The following CHST11 variants were observed in gnomAD, a reference collection of about 807,000 sequenced individuals.
The protein encoded by CHST11 is C4S-1.
Under a neutral mutation model 30.4 loss-of-function variants are expected in CHST11, and 9 were observed. The observed-to-expected ratio is 0.30, with a 90% CI of 0.18 to 0.52. The LOEUF is 0.52. Ranked by LOEUF, CHST11 falls within the 20% of genes least tolerant of loss-of-function variation. The pLI is 0.97. For missense variants in CHST11, 348 were observed against 460.6 expected, an observed-to-expected ratio of 0.76 and a Z score of 2.24; for synonymous variants, 152 against 187.8, an observed-to-expected ratio of 0.81 and a Z score of 1.56.
intron 1 of CHST11, among the ~76,000 whole-genome samples, chr12:104,544,105 C>T (rs1592754542): frequency 8.6e-6 from 1 of 116,634 alleles, no homozygotes; most frequent in African/African-American, 3.6e-5. Context: ...GCCTGGGCAA[C>T]AGAGAGAGAC....
chr12:104,707,974 A>G (rs1342145494), intron 2 of CHST11, among the ~76,000 whole-genome samples: 1 of 152,042 alleles, frequency 6.6e-6, no homozygotes, highest in Non-Finnish European at 1.5e-5. Flanking sequence ...GCTCACAAGC[A>G]TGCATGTGCA....
chr12:104,574,130 T>G (rs1355386842), intron 1 of CHST11, among the ~76,000 whole-genome samples: 9 of 152,164 alleles, frequency 5.9e-5, no homozygotes, highest in Admixed American at 1.3e-4. Flanking sequence ...TCACTGGCCA[T>G]CAGAGAAATG....
In CHST11 at chr12:104,676,625, G is replaced by C. The variant is rs1485873050; in HGVS notation, c.204+74634G>C. On this transcript the variant is annotated intron_variant, in intron 2 of 2. Transcript: ENST00000303694. This position sits in a 1 kb window ranked among gnomAD's most constrained non-coding sequence, Gnocchi z 4.4. ...AGATGGGGTTTCCCCATGTTGGCCAGGATGGTCTCGATCTCCTGACCTTGT... is the reference window on the plus strand; with the variant it reads ...AGATGGGGTTTCCCCATGTTGGCCACGATGGTCTCGATCTCCTGACCTTGT... Among the ~76,000 whole-genome samples, 4 of 152,324 alleles carry C rather than the reference G, an allele frequency of 2.6e-5. No homozygotes were observed. The East Asian group carries it at 5.8e-4, about 22-fold the overall frequency.
intron 2 of CHST11, among the ~76,000 whole-genome samples, chr12:104,727,167 G>C (rs1415010900): frequency 2.0e-5 from 3 of 151,444 alleles, no homozygotes. Context: ...TTCTAGAAGG[G>C]AATGGTTCTA....
rs181241847 is a variant in CHST11 at position 104,623,247 on chromosome 12, G to C, written c.204+21256G>C. Among the ~76,000 whole-genome samples, 31 of 152,304 alleles carry C rather than the reference G, an allele frequency of 2.0e-4. 1 individual carries two copies. The highest frequency in any genetic ancestry group is 5.9e-4 in the Admixed American group (9 of 15,298). ...GGGTGTTCTTGAGCAAGTCAGGAAG[G>C]CTCCCCAGAGTCAGGCCCTTAGCCT... On this transcript the variant is annotated intron_variant, in intron 2 of 2. Transcript: ENST00000303694.
At chr12:104,679,775 C>T (rs903798970) in intron 2 of CHST11, among the ~76,000 whole-genome samples, 1 of 152,108 alleles carries the variant, frequency 6.6e-6, no homozygotes, top group African/African-American at 2.4e-5. Context: ...GCAATGGAGC[C>T]CCGCCCCATG....
chr12:104,601,882 T>G, intron 1 of CHST11, 24 bp from the exon 2 acceptor site: 4 of 1,586,106 alleles, frequency 2.5e-6, no homozygotes, highest in Non-Finnish European at 3.5e-6. Context: ...TCATTTCTGA[T>G]GAGCCTTCAC....
At chr12:104,467,667 A>G (rs1219260296) in intron 1 of CHST11, among the ~76,000 whole-genome samples, 1 of 152,220 alleles carries the variant, frequency 6.6e-6, no homozygotes, top group Non-Finnish European at 1.5e-5. Context: ...TTGAATCGTT[A>G]TCTTAAATGC....
At chr12:104,536,701 A>C (rs1045343766) in intron 1 of CHST11, among the ~76,000 whole-genome samples, 1 of 152,194 alleles carries the variant, frequency 6.6e-6, no homozygotes. Context: ...GGCTTTTAAG[A>C]GAATGTTTAT....
intron 1 of CHST11, chr12:104,553,526 A>T (rs906004253): frequency 6.6e-6 from 1 of 150,812 alleles, no homozygotes. Flanking sequence ...CAATCATGGC[A>T]GAAGGCGAAG....
At chr12:104,723,065 C>A (rs1005444538) in intron 2 of CHST11, among the ~76,000 whole-genome samples, 2 of 152,000 alleles carry the variant, frequency 1.3e-5, no homozygotes, top group African/African-American at 2.4e-5. Flanking sequence ...CTGGCTGAGT[C>A]CTGCCTCAGG....
At chr12:104,744,885 A>G (rs539662919) in intron 2 of CHST11, among the ~76,000 whole-genome samples, 2 of 125,566 alleles carry the variant, frequency 1.6e-5, no homozygotes, top group Non-Finnish European at 3.4e-5. Context: ...TTATTTATTT[A>G]TTTTTTGAGA....
intron 1 of CHST11, among the ~76,000 whole-genome samples, chr12:104,550,166 C>T (rs1026821077): frequency 1.3e-5 from 2 of 152,206 alleles, no homozygotes; most frequent in Non-Finnish European, 2.9e-5. Flanking sequence ...TCTTTTTAGG[C>T]TTTCCAGTCT....
chr12:104,558,806 T>C (rs2038485125), intron 1 of CHST11, among the ~76,000 whole-genome samples: 2 of 152,122 alleles, frequency 1.3e-5, no homozygotes, highest in African/African-American at 4.8e-5. Flanking sequence ...CCCAAGGTGC[T>C]GGGATTACAG....
chr12:104,664,802 G>A (rs965632382), intron 2 of CHST11, among the ~76,000 whole-genome samples: 3 of 152,172 alleles, frequency 2.0e-5, no homozygotes, highest in Admixed American at 6.5e-5. Flanking sequence ...TACACGAGCC[G>A]GTTATGAAAT....
intron 1 of CHST11, among the ~76,000 whole-genome samples, chr12:104,460,452 T>G (rs1306612342): frequency 6.6e-6 from 1 of 151,932 alleles, no homozygotes; most frequent in Non-Finnish European, 1.5e-5. Flanking sequence ...TCACTTGAGC[T>G]CAGGAGTTCG....
intron 2 of CHST11, among the ~76,000 whole-genome samples, chr12:104,677,481 G>A (rs2039753384): frequency 6.6e-6 from 1 of 152,202 alleles, no homozygotes; most frequent in Non-Finnish European, 1.5e-5. Flanking sequence ...TTTTGTGACA[G>A]CATTTATATT....
At chr12:104,649,676 A>G (rs1383585910) in intron 2 of CHST11, among the ~76,000 whole-genome samples, 2 of 152,198 alleles carry the variant, frequency 1.3e-5, no homozygotes, top group African/African-American at 4.8e-5. Context: ...AGAGAAGAAA[A>G]TCTTTAGCAT....
At chr12:104,543,487 G>A (rs147364871) in intron 1 of CHST11, among the ~76,000 whole-genome samples, 10 of 152,304 alleles carry the variant, frequency 6.6e-5, no homozygotes, top group African/African-American at 1.9e-4. Context: ...GAGACTAGTG[G>A]TCTCTTCTAG....
Sources: gnomAD v4.1 joint callset for allele counts (sites outside exome capture counted in the v4.1 genomes callset) on GRCh38, gnomAD v4.1.1 for gene constraint, Gnocchi (gnomAD v3.1) non-coding constraint, MANE v1.5 for transcripts, NCBI Gene and HGNC (gene_info 2026-07-23, HGNC 2026-07-21) for gene names.